Variants in MFSD12 observed in about 807,000 individuals in gnomAD.
MFSD12 encodes the protein major facilitator superfamily domain containing 12, also known as major facilitator superfamily domain-containing protein 12.
In MFSD12, 67 loss-of-function variants were observed where a neutral mutation model predicts 51.2. The observed-to-expected ratio is 1.31, with a 90% confidence interval of 1.08 to 1.60. MFSD12 has a LOEUF of 1.60. MFSD12 is among the 40% of genes most tolerant of loss of function. The probability of loss-of-function intolerance (pLI) is 0.00; values close to 1 mark genes in which losing one functional copy is unlikely to be tolerated. For synonymous variants in MFSD12, 441 were observed against 316.7 expected (o/e 1.39, Z -4.17); for missense variants, 921 against 673.0 (o/e 1.37, Z -4.08).
In MFSD12 at chr19:3,557,173, G is replaced by T; in HGVS notation, c.231C>A (p.Gly77=). The change falls in exon 1 of 10, where the codon GGC becomes GGA. Residue 77 remains glycine, a synonymous_variant. Transcript: ENST00000355415. ...VADGLCTPLV[G]YEADRAASCC... ...AGCTGGCGGCGCGGTCGGCCTCGTAGCCCACGAGCGGTGTGCACAGCCCGT... is the reference window on the plus strand; with the variant it reads ...AGCTGGCGGCGCGGTCGGCCTCGTATCCCACGAGCGGTGTGCACAGCCCGT... 1 of 1,539,780 alleles carries T rather than the reference G, an allele frequency of 6.5e-7. No individual in the cohort carries two copies. Among genetic ancestry groups the T allele is most frequent in the South Asian group, 1.2e-5 (1 of 82,872 alleles).
chr19:3,543,249 C>G, downstream of MFSD12: 5 of 1,545,704 alleles, frequency 3.2e-6, no homozygotes, highest in Non-Finnish European at 4.4e-6. Context: ...GACTACCTGT[C>G]CCTGGAGGGT....
intron 4 of MFSD12, chr19:3,538,792 GGTGAGGA>G: frequency 1.9e-6 from 1 of 538,192 alleles, no homozygotes; most frequent in Non-Finnish European, 3.7e-6. Flanking sequence ...GATGTGAGTG[GGTGAGGA>G]GTGAGGAGCT....
chr19:3,546,373 G>A lies in MFSD12; in HGVS notation c.1076C>T (p.Ala359Val), dbSNP rs200034352. ...LVILAFAAWVALAEGLGVAVY... is the reference protein window; with the variant it reads ...LVILAFAAWVVLAEGLGVAVY... ...GGCCACACCCAGTCCCTCCGCCAGC[G>A]CCACCCAGGCGGCAAAGGCCAGGAT... Residue 359 changes from alanine to valine, a missense_variant, in exon 7 of 10, where the codon GCG becomes GTG. By Grantham distance (64) the Ala-to-Val change is moderately conservative (BLOSUM62 0). Transcript: ENST00000355415. The A allele has an allele frequency of 9.7e-5, 156 of 1,607,928 alleles. No homozygotes were observed. The highest frequency in any genetic ancestry group is 7.2e-4 in the East Asian group (32 of 44,666).
Position 3,551,010 on chromosome 19 carries a change from A to G in MFSD12, c.483T>C (p.His161=). Reference sequence around the variant, plus strand: ...TGAGTGCCGTGAGCTCCACCTTCTCATGGTCGTTGGTGACGAGCTCCGGGA... The same window carrying G: ...TGAGTGCCGTGAGCTCCACCTTCTCGTGGTCGTTGGTGACGAGCTCCGGGA... ...SLIPELVTND[H]EKVELTALRY... is the part of the protein sequence containing the mutation. Residue 161 remains histidine (H), a synonymous_variant, in exon 2 of 10, where the codon CAT becomes CAC. Transcript: ENST00000355415. This position sits in a 1 kb window ranked among gnomAD's most constrained non-coding sequence, Gnocchi z 4.6. 8 of 1,612,384 alleles carry G rather than the reference A, an allele frequency of 5.0e-6. No homozygotes were observed. The highest frequency in any genetic ancestry group is 6.8e-6 in the Non-Finnish European group (8 of 1,179,952).
chr19:3,544,972 G>T (rs772392230), intron 8 of MFSD12, 33 bp from the exon 9 acceptor site: 3 of 1,578,876 alleles, frequency 1.9e-6, no homozygotes, highest in African/African-American at 1.3e-5. Context: ...AGTAGGCACC[G>T]CGGGTACCAC....
At chr19:3,541,733 G>A (rs1443179966), downstream of MFSD12, 1 of 985,438 alleles carries the variant, frequency 1.0e-6, no homozygotes, top group Non-Finnish European at 1.2e-6. Context: ...GGAAACACCA[G>A]AAAGTAGTGA....
chr19:3,547,671 G>A (rs1568257004), intron 4 of MFSD12, 124 bp from the exon 5 acceptor site: 2 of 1,163,158 alleles, frequency 1.7e-6, no homozygotes, highest in East Asian at 2.6e-5. Context: ...GGTAGTGACT[G>A]CCCAGTGGGG....
chr19:3,543,163 G>A, downstream of MFSD12: 1 of 1,517,498 alleles, frequency 6.6e-7, no homozygotes, highest in South Asian at 1.2e-5. Context: ...ATCCACCCTG[G>A]CAGACATCGC....
chr19:3,547,224 G>A (rs1201178734), intron 6 of MFSD12, 48 bp downstream of exon 6: 3 of 1,530,838 alleles, frequency 2.0e-6, no homozygotes, highest in Non-Finnish European at 2.7e-6. Context: ...CTCGGCTGCA[G>A]GGCACCCCAT....
chr19:3,539,019 T>C lies in MFSD12; in HGVS notation c.*6-263A>G, dbSNP rs370366594. 2.1e-4 allele frequency: 133 copies of C among 630,736 alleles called. 1 individual carries two copies. The East Asian group carries it at 2.8e-3, about 13-fold the overall frequency. The allele number at this position is 630,736 out of a possible 1,614,324, so 39.1% of individuals were successfully genotyped here. A position where few individuals can be genotyped will look rare whatever the true frequency, so the allele number is the denominator to read the frequency against. On this transcript the variant is annotated intron_variant, in intron 4 of 4. Transcript: ENST00000398558. ...CACTGTGTCACCCCCAGTTGTTAAATACTCAGAACGACTCTCCAGCCCTTC... is the reference window on the plus strand; with the variant it reads ...CACTGTGTCACCCCCAGTTGTTAAACACTCAGAACGACTCTCCAGCCCTTC...
At position 3,550,966 on chromosome 19, in the gene MFSD12, G is replaced by A. The variant is rs2031438740; in HGVS notation, c.509+18C>T. 2 of 1,606,804 alleles carry A rather than the reference G, an allele frequency of 1.2e-6. No homozygotes were observed. The highest frequency in any genetic ancestry group is 1.7e-6 in the Non-Finnish European group (2 of 1,177,674). ...CGGGGCCCACCCTGCCCGTGGGGGA[G>A]GGTGCCCAGGCTCCCACCTGAGTGC... On this transcript the variant is annotated intron_variant, in intron 2 of 9. Coordinates refer to ENST00000355415, the MANE Select transcript of MFSD12 (RefSeq NM_174983.5).
chr19:3,556,977 C>G (rs1432455986), intron 1 of MFSD12, 129 bp downstream of exon 1: 1 of 924,292 alleles, frequency 1.1e-6, no homozygotes, highest in Non-Finnish European at 1.5e-6. Context: ...GGCCACGGGA[C>G]AGACAGACCG....
downstream of MFSD12, chr19:3,544,002 C>T: frequency 1.3e-6 from 2 of 1,540,054 alleles, no homozygotes; most frequent in Non-Finnish European, 1.8e-6. Flanking sequence ...CACACCCACT[C>T]CCCGATAAAG....
rs781008005 is a variant in MFSD12, at chr19:3,551,041, C to A, written c.452G>T (p.Ser151Ile). ...GTTGGTGACGAGCTCCGGGATGAGG[C>A]TGAGGTGGGAGATCTGTGTGGAGGC... Reference protein sequence around the residue: ...GWASTQISHLSLIPELVTNDH... With the variant: ...GWASTQISHLILIPELVTNDH... The change falls in exon 2 of 10, where the codon AGC becomes ATC. Residue 151 changes from serine to isoleucine, a missense_variant. By Grantham distance (142) the Ser-to-Ile change is moderately radical (BLOSUM62 -2). Transcript: ENST00000355415. This position sits in a 1 kb window ranked among gnomAD's most constrained non-coding sequence, Gnocchi z 4.6. The A allele has an allele frequency of 6.2e-7, 1 of 1,612,912 alleles. No homozygotes were observed. The highest frequency in any genetic ancestry group is 1.7e-5 in the Admixed American group (1 of 60,016).
At chr19:3,543,318 G>A (rs1157016620), downstream of MFSD12, 33 of 1,549,216 alleles carry the variant, frequency 2.1e-5, no homozygotes, top group Admixed American at 1.4e-4. Flanking sequence ...CCCATGGGAC[G>A]GGACGCAGCC....
intron 8 of MFSD12, 101 bp from the exon 9 acceptor site, chr19:3,545,040 C>T: frequency 2.1e-6 from 3 of 1,436,200 alleles, no homozygotes; most frequent in Non-Finnish European, 2.8e-6. Context: ...CGGCTCCGTC[C>T]TGTCCAATCC....
intron 1 of MFSD12, among the ~76,000 whole-genome samples, chr19:3,556,753 G>T (rs371342663): frequency 5.4e-4 from 82 of 151,484 alleles, no homozygotes; most frequent in African/African-American, 1.8e-3. Flanking sequence ...CTCAGCTCAT[G>T]GGGCAGACAA....
At position 3,557,407 on chromosome 19, in the gene MFSD12, G is replaced by C. The variant is rs2031793095; in HGVS notation, c.-4C>G. On this transcript the variant is annotated 5_prime_UTR_variant, in exon 1 of 10. Transcript: ENST00000355415. ...CCGCTGGGGGTCCCGGGCCCATCGC[G>C]GCGCCGGGCCCGCGCCCCCCACCCC... 20 of 1,235,430 alleles carry C rather than the reference G, an allele frequency of 1.6e-5. No individual in the cohort carries two copies. The highest frequency in any genetic ancestry group is 2.0e-5 in the Non-Finnish European group (20 of 985,920). 76.5% of individuals were successfully genotyped at this position (1,235,430 alleles called of 1,614,324 possible).
rs558057508 is a variant in MFSD12 at position 3,551,559 on chromosome 19, G to A, written c.299-365C>T. Among the ~76,000 whole-genome samples, 3 of 152,240 alleles carry A rather than the reference G, an allele frequency of 2.0e-5. 1 individual carries two copies. The highest frequency in any genetic ancestry group is 4.1e-4 in the South Asian group (2 of 4,830). On this transcript the variant is annotated intron_variant, in intron 1 of 9. Coordinates refer to ENST00000355415, the MANE Select transcript of MFSD12 (RefSeq NM_174983.5). The surrounding 1 kb of genome is among the most constrained non-coding windows in gnomAD (Gnocchi z 4.6). Reference sequence around the variant, plus strand: ...AGGGCCTCGGGGAGCGGGAGGCCCAGGTGGGCCTGGGCTGGACCCCTCCTT... The same window carrying A: ...AGGGCCTCGGGGAGCGGGAGGCCCAAGTGGGCCTGGGCTGGACCCCTCCTT...
Sources: gnomAD v4.1 joint callset for allele counts (sites outside exome capture counted in the v4.1 genomes callset) on GRCh38, gnomAD v4.1.1 for gene constraint, Gnocchi (gnomAD v3.1) non-coding constraint, MANE v1.5 for transcripts, NCBI Gene and HGNC (gene_info 2026-07-23, HGNC 2026-07-21) for gene names.